Variants in BTBD16 observed in about 807,000 individuals in gnomAD.
The protein encoded by BTBD16 is BTB/POZ domain-containing protein 16.
BTBD16 carries 66 observed loss-of-function variants against 67.4 expected under a neutral mutation model. The observed-to-expected ratio is 0.98, with a 90% CI of 0.80 to 1.20. The LOEUF (loss-of-function observed/expected upper bound fraction) is 1.20. BTBD16 is among the 50% of genes most tolerant of loss of function. The pLI is 0.00. For missense variants in BTBD16, 634 were observed against 616.0 expected (o/e 1.03, Z -0.31); for synonymous variants, 242 against 236.4 (o/e 1.02, Z -0.22).
chr10:122,313,257 G>GTTTTTTTTTTTTTTTTTTT (rs58984425), intron 10 of BTBD16, among the ~76,000 whole-genome samples: 1 of 139,138 alleles, frequency 7.2e-6, no homozygotes. Context: ...AGTTAGTGCT[G>GTTTTTTTTTTTTTTTTTTT]TTTTTTTTTT....
At chr10:122,320,931 T>C (rs998843527) in intron 10 of BTBD16, among the ~76,000 whole-genome samples, 5 of 152,168 alleles carry the variant, frequency 3.3e-5, no homozygotes, top group African/African-American at 1.2e-4. Context: ...GATGCTCAGG[T>C]GCGGTACAAT....
In BTBD16 at chr10:122,334,913, A is replaced by G. The variant is rs370868627; in HGVS notation, c.1197A>G (p.Leu399=). Residue 399 remains leucine, a synonymous_variant, in exon 14 of 16, where the codon CTA becomes CTG. Transcript: ENST00000260723. ...ENTTYSKTIA[L]YGFFFKIKGL... is the part of the protein sequence containing the mutation. ...CAACTTATTCGAAAACGATTGCTCT[A>G]TATGGATTCTTCTTTAAGATAAAGG... 3.4e-5 allele frequency: 53 copies of G among 1,573,684 alleles called. No homozygotes were observed. The highest frequency in any genetic ancestry group is 1.2e-4 in the African/African-American group (9 of 73,830).
intron 1 of BTBD16, among the ~76,000 whole-genome samples, chr10:122,272,678 T>TACACACAC (rs112265160): frequency 0.016 from 2,414 of 147,678 alleles, 19 homozygotes; most frequent in Non-Finnish European, 0.019. Context: ...GCAAAGGAAA[T>TACACACAC]ACACACACAC....
chr10:122,315,254 A>G (rs1011585147), intron 10 of BTBD16, among the ~76,000 whole-genome samples: 1 of 152,222 alleles, frequency 6.6e-6, no homozygotes, highest in Non-Finnish European at 1.5e-5. Flanking sequence ...CAGTTTGATG[A>G]CTTTGATAAA....
intron 10 of BTBD16, among the ~76,000 whole-genome samples, chr10:122,326,780 A>G (rs957364482): frequency 3.3e-5 from 5 of 152,212 alleles, no homozygotes; most frequent in African/African-American, 9.6e-5. Flanking sequence ...TAGAGGGGTC[A>G]TGCCCCAGGG....
Position 122,334,978 on chromosome 10 carries a change from A to ACTCTATCCTTACCT in BTBD16, c.1262_1263insCTCTATCCTTACCT (p.Gln421HisfsTer6). 7.0e-7 allele frequency: 1 copy of ACTCTATCCTTACCT among 1,435,056 alleles called. No homozygotes were observed. The highest frequency in any genetic ancestry group is 9.8e-7 in the Non-Finnish European group (1 of 1,025,212). The allele number at this position is 1,435,056 out of a possible 1,614,324, so 88.9% of individuals were successfully genotyped here. ...ACTACCTCTTATAGTTTTTACATGC[A>ACTCTATCCTTACCT]GGTAAGGATAGAGTGCATGAAAGTT... On this transcript the variant is annotated frameshift_variant and splice_region_variant, in exon 14 of 16. Coordinates refer to ENST00000260723, the MANE Select transcript of BTBD16 (RefSeq NM_144587.5). LOFTEE classifies it high-confidence loss of function.
intron 2 of BTBD16, among the ~76,000 whole-genome samples, chr10:122,275,534 A>G (rs530418358): frequency 3.3e-5 from 5 of 152,206 alleles, no homozygotes; most frequent in African/African-American, 9.6e-5. Context: ...CATTATTTCC[A>G]TTTTACACAT....
At chr10:122,271,908 G>T (rs144920791) in intron 1 of BTBD16, among the ~76,000 whole-genome samples, 3 of 152,252 alleles carry the variant, frequency 2.0e-5, no homozygotes, top group African/African-American at 4.8e-5. Flanking sequence ...TAACTGAAGC[G>T]GTGCTCTGTG....
chr10:122,293,371 A>G (rs1350004834), intron 7 of BTBD16, among the ~76,000 whole-genome samples: 1 of 152,214 alleles, frequency 6.6e-6, no homozygotes, highest in Non-Finnish European at 1.5e-5. Context: ...CTGGGGACTC[A>G]TGAAATGACT....
At chr10:122,323,711 A>G (rs1186519513) in intron 10 of BTBD16, among the ~76,000 whole-genome samples, 1 of 152,192 alleles carries the variant, frequency 6.6e-6, no homozygotes, top group African/African-American at 2.4e-5. Context: ...CACTTTACTA[A>G]ATCAAAGAAG....
intron 9 of BTBD16, among the ~76,000 whole-genome samples, chr10:122,305,199 T>C (rs1422412018): frequency 6.6e-6 from 1 of 152,224 alleles, no homozygotes; most frequent in Non-Finnish European, 1.5e-5. Flanking sequence ...ATGTGCAGGT[T>C]GTACATGAGT....
At chr10:122,283,767 A>G in intron 3 of BTBD16, 84 bp from the exon 4 acceptor site, 1 of 1,067,756 alleles carries the variant, frequency 9.4e-7, no homozygotes. Context: ...CTTTAAGGAC[A>G]TTTATGCTAG....
intron 10 of BTBD16, among the ~76,000 whole-genome samples, chr10:122,311,756 A>C (rs1191365059): frequency 6.6e-6 from 1 of 152,254 alleles, no homozygotes; most frequent in African/African-American, 2.4e-5. Context: ...AGACCAGAAC[A>C]GGGGACATGG....
chr10:122,308,898 G>A (rs2096408418), intron 10 of BTBD16, among the ~76,000 whole-genome samples: 1 of 152,142 alleles, frequency 6.6e-6, no homozygotes, highest in Admixed American at 6.5e-5. Flanking sequence ...GGTCTGCTCT[G>A]GGTGCTCCTG....
At chr10:122,296,457 G>A (rs2096383382) in intron 7 of BTBD16, among the ~76,000 whole-genome samples, 1 of 152,146 alleles carries the variant, frequency 6.6e-6, no homozygotes, top group Non-Finnish European at 1.5e-5. Flanking sequence ...CATGAGCGGT[G>A]TGTATATCAA....
At chr10:122,319,946 G>A (rs1350490622) in intron 10 of BTBD16, among the ~76,000 whole-genome samples, 1 of 151,932 alleles carries the variant, frequency 6.6e-6, no homozygotes, top group East Asian at 1.9e-4. Context: ...TATCTCTAAG[G>A]CTTTCATATT....
chr10:122,296,032 T>A (rs2096382502), intron 7 of BTBD16, among the ~76,000 whole-genome samples: 1 of 152,054 alleles, frequency 6.6e-6, no homozygotes, highest in Non-Finnish European at 1.5e-5. Flanking sequence ...CCACACTTTT[T>A]TCCTAAGATA....
chr10:122,275,044 C>G lies in BTBD16; in HGVS notation c.-38C>G, dbSNP rs758017882. The G allele has an allele frequency of 1.2e-6, 2 of 1,612,118 alleles. No homozygotes were observed. The highest frequency in any genetic ancestry group is 2.7e-5 in the African/African-American group (2 of 74,862). On this transcript the variant is annotated 5_prime_UTR_variant, in exon 2 of 16. Coordinates refer to ENST00000260723, the MANE Select transcript of BTBD16 (RefSeq NM_144587.5). ...TTTACCTCTTTTGTCTTCTAGGTTG[C>G]TTGTCTTTTCTCTCCTGCGTAATTT...
intron 5 of BTBD16, chr10:122,287,565 C>A: frequency 1.3e-6 from 1 of 776,062 alleles, no homozygotes; most frequent in Non-Finnish European, 1.6e-6. Flanking sequence ...TTCCATGGAC[C>A]GATCAAGCCA....
Sources: gnomAD v4.1 joint callset for allele counts (sites outside exome capture counted in the v4.1 genomes callset) on GRCh38, gnomAD v4.1.1 for gene constraint, MANE v1.5 for transcripts, NCBI Gene and HGNC (gene_info 2026-07-23, HGNC 2026-07-21) for gene names.